The following C12orf56 variants were observed in gnomAD, a reference collection of about 807,000 sequenced individuals.
The protein encoded by C12orf56 is uncharacterized protein C12orf56.
Under a neutral mutation model 69.9 loss-of-function variants are expected in C12orf56, and 71 were observed. The observed-to-expected ratio is 1.02, with a 90% CI of 0.84 to 1.24. The LOEUF (loss-of-function observed/expected upper bound fraction) is 1.24, where lower values mean the gene tolerates loss of function less well. C12orf56 is among the 50% of genes most tolerant of loss of function. C12orf56 has a pLI of 0.00. For missense variants in C12orf56, 732 were observed against 738.5 expected (o/e 0.99, Z 0.10); for synonymous variants, 276 against 274.1 (o/e 1.01, Z -0.07).
At chr12:64,272,433 A>T (rs5015814) in intron 11 of C12orf56, among the ~76,000 whole-genome samples, 23 of 151,610 alleles carry the variant, frequency 1.5e-4, no homozygotes, top group Non-Finnish European at 2.9e-4. Flanking sequence ...TGAACCCAGG[A>T]GGTGGAGGTT....
rs150371512 is a variant in C12orf56 at position 64,361,901 on chromosome 12, T to A, written c.253-8845A>T. On this transcript the variant is annotated intron_variant, in intron 1 of 12. Coordinates refer to ENST00000543942, the MANE Select transcript of C12orf56 (RefSeq NM_001170633.2). ...GCATGCGCCACCACGCCCAGCTAAT[T>A]TTGTATTTTTAATAGAGATGGGGTT... Among the ~76,000 whole-genome samples the A allele has an allele frequency of 6.4e-3, 973 of 152,188 alleles. 47 individuals are homozygous for A. The highest frequency in any genetic ancestry group is 0.057 in the Admixed American group (879 of 15,292).
intron 1 of C12orf56, among the ~76,000 whole-genome samples, chr12:64,354,228 C>A (rs1318616034): frequency 2.0e-5 from 3 of 152,190 alleles, no homozygotes; most frequent in African/African-American, 7.2e-5. Context: ...TAGATCTTCT[C>A]TGCAACAGCC....
chr12:64,280,256 G>A (rs1039053446), intron 8 of C12orf56, among the ~76,000 whole-genome samples: 23 of 152,236 alleles, frequency 1.5e-4, no homozygotes, highest in African/African-American at 4.3e-4. Context: ...AATCAAAATG[G>A]TAGTTTCATC....
At chr12:64,329,082 T>C (rs2038891917) in intron 3 of C12orf56, among the ~76,000 whole-genome samples, 1 of 150,974 alleles carries the variant, frequency 6.6e-6, no homozygotes, top group Non-Finnish European at 1.5e-5. Context: ...AAAAAGAAAC[T>C]CCTTTTTCTC....
chr12:64,346,068 AC>A (rs779530367), intron 2 of C12orf56, among the ~76,000 whole-genome samples: 47 of 152,176 alleles, frequency 3.1e-4, no homozygotes, highest in Non-Finnish European at 4.9e-4. Flanking sequence ...CACTCCTGGT[AC>A]CAAAATTTGT....
chr12:64,285,989 T>C lies in C12orf56; in HGVS notation c.1185A>G (p.Ala395=). The change falls in exon 7 of 13, where the codon GCA becomes GCG. Residue 395 remains alanine (A), a synonymous_variant. Coordinates refer to ENST00000543942, the MANE Select transcript of C12orf56 (RefSeq NM_001170633.2). ...EYLPESRDKN[A]LQNQSQRVDE... The stretch of plus-strand genomic sequence containing the variant: ...CAACCCTTTGGCTTTGATTTTGTAG[T>C]GCATTCTTATCCCTAGACTCCGGCA... 6.2e-7 allele frequency: 1 copy of C among 1,609,908 alleles called. No individual in the cohort carries two copies. Among genetic ancestry groups the C allele is most frequent in the Non-Finnish European group, 8.5e-7 (1 of 1,176,928 alleles).
At chr12:64,345,704 C>T (rs73118341) in intron 2 of C12orf56, among the ~76,000 whole-genome samples, 23,079 of 152,066 alleles carry the variant, frequency 0.15, 1,916 homozygotes, top group East Asian at 0.28. Flanking sequence ...CTGCTTCTGA[C>T]GCTGGTAGAT....
At chr12:64,308,889 G>GAAGGAAGA (rs2038554083) in intron 5 of C12orf56, among the ~76,000 whole-genome samples, 2 of 69,248 alleles carry the variant, frequency 2.9e-5, no homozygotes, top group African/African-American at 1.4e-4. Flanking sequence ...AAACAGAAAG[G>GAAGGAAGA]AAGAAAGAAA....
Position 64,308,889 on chromosome 12 carries a change from GAAGA to G in C12orf56, c.968+3786_968+3789del, listed in dbSNP as rs1173081507. On this transcript the variant is annotated intron_variant, in intron 5 of 12. Coordinates refer to ENST00000543942, the MANE Select transcript of C12orf56 (RefSeq NM_001170633.2). Reference sequence around the variant, plus strand: ...AGAAAAGAAAGAAAGAAACAGAAAGGAAGAAAGAAAGAAAGAAAGAAAGAAAGAA... The same window carrying G: ...AGAAAAGAAAGAAAGAAACAGAAAGGAAGAAAGAAAGAAAGAAAGAAAGAA... Among the ~76,000 whole-genome samples the G allele has an allele frequency of 3.0e-3, 211 of 69,298 alleles. 3 individuals are homozygous for G. The highest frequency in any genetic ancestry group is 7.9e-3 in the African/African-American group (117 of 14,718). 45.5% of individuals were successfully genotyped at this position (69,298 alleles called of 152,430 possible). A position where few individuals can be genotyped will look rare whatever the true frequency, so the allele number is the denominator to read the frequency against.
chr12:64,265,824 G>T lies in C12orf56; in HGVS notation c.*1359C>A, dbSNP rs548400531. The T allele has an allele frequency of 4.6e-5, 7 of 152,306 alleles. No individual in the cohort carries two copies. The East Asian group carries it at 1.4e-3, about 29-fold the overall frequency. 9.4% of individuals were successfully genotyped at this position (152,306 alleles called of 1,614,324 possible). Reference sequence around the variant, plus strand: ...TTCAACACCTCACGGTGATGCCAAAGTTAAGTATTTGTGGAATTAAATTAG... The same window carrying T: ...TTCAACACCTCACGGTGATGCCAAATTTAAGTATTTGTGGAATTAAATTAG... On this transcript the variant is annotated 3_prime_UTR_variant, in exon 13 of 13. Coordinates refer to ENST00000543942, the MANE Select transcript of C12orf56 (RefSeq NM_001170633.2).
intron 5 of C12orf56, among the ~76,000 whole-genome samples, chr12:64,306,990 C>A (rs1282010938): frequency 6.6e-6 from 1 of 152,128 alleles, no homozygotes; most frequent in Admixed American, 6.6e-5. Context: ...ATATTGCCTT[C>A]AGGAATTAAC....
At chr12:64,390,204 T>A in intron 1 of C12orf56, 110 bp downstream of exon 1, 1 of 1,359,416 alleles carries the variant, frequency 7.4e-7, no homozygotes, top group Non-Finnish European at 9.7e-7. Context: ...AGGAGGGGAG[T>A]CGAGGGCAGG....
chr12:64,381,999 C>T lies in C12orf56; in HGVS notation c.252+8315G>A, dbSNP rs373126095. On this transcript the variant is annotated intron_variant, in intron 1 of 12. Transcript: ENST00000543942. ...AAACTCAGCAGGGCGCGGTGGCTCA[C>T]GCCTGTAATCCCAGCACTTTGGGAG... Among the ~76,000 whole-genome samples, 14 of 152,252 alleles carry T rather than the reference C, an allele frequency of 9.2e-5. 1 individual carries two copies. In the East Asian group the frequency reaches 1.5e-3, roughly 17 times the overall value.
chr12:64,335,417 C>CAAAAA (rs59759648), intron 2 of C12orf56, among the ~76,000 whole-genome samples: 12 of 98,308 alleles, frequency 1.2e-4, no homozygotes, highest in African/African-American at 4.8e-4. Context: ...ACTTCATCTC[C>CAAAAA]AAAAAAAAAA....
chr12:64,359,563 C>A (rs1405567517), intron 1 of C12orf56, among the ~76,000 whole-genome samples: 1 of 152,076 alleles, frequency 6.6e-6, no homozygotes, highest in Non-Finnish European at 1.5e-5. Flanking sequence ...CCAGAGAGGA[C>A]CACTCAGGAG....
chr12:64,385,951 C>T (rs1340625811), intron 1 of C12orf56, among the ~76,000 whole-genome samples: 1 of 152,082 alleles, frequency 6.6e-6, no homozygotes, highest in Non-Finnish European at 1.5e-5. Flanking sequence ...CATTTGAGGA[C>T]AGGAGTTTGA....
intron 12 of C12orf56, among the ~76,000 whole-genome samples, chr12:64,270,017 T>A (rs10878128): frequency 0.7 from 106,946 of 152,058 alleles, 38,800 homozygotes; most frequent in Non-Finnish European, 0.8. Context: ...TAGTCTTTTC[T>A]GGCCTGGGAA....
intron 5 of C12orf56, among the ~76,000 whole-genome samples, chr12:64,308,942 AG>A (rs376491846): frequency 0.065 from 4,422 of 68,380 alleles, 232 homozygotes; most frequent in East Asian, 0.23. Context: ...GAAAGAAAGA[AG>A]AAAGAAAGAA....
intron 8 of C12orf56, among the ~76,000 whole-genome samples, chr12:64,281,337 G>A (rs866746349): frequency 9.9e-5 from 15 of 152,000 alleles, no homozygotes; most frequent in South Asian, 2.1e-4. Flanking sequence ...TTGGGAGGCC[G>A]AGGCGGGTGG....
Sources: allele counts gnomAD v4.1 joint callset (sites outside exome capture counted in the v4.1 genomes callset), GRCh38; gene constraint gnomAD v4.1.1; transcripts MANE v1.5; gene names NCBI Gene and HGNC (gene_info 2026-07-23, HGNC 2026-07-21).